Variants in DENND10 observed in about 807,000 individuals in gnomAD.
The protein encoded by DENND10 is DENN domain containing 10.
Under a neutral mutation model 43.6 loss-of-function variants are expected in DENND10, and 24 were observed. The ratio of observed to expected loss-of-function variants is 0.55; its 90% CI spans 0.40 to 0.77. The LOEUF (loss-of-function observed/expected upper bound fraction) is 0.77, where lower values mean the gene tolerates loss of function less well. Among genes scored for constraint, DENND10 ranks in the 30% least tolerant of loss-of-function variants. The pLI, the probability that DENND10 is intolerant of heterozygous loss-of-function variation, is 0.00. For synonymous variants in DENND10, 125 were observed against 157.6 expected (o/e 0.79, Z 1.55); for missense variants, 303 against 429.9 (o/e 0.70, Z 2.61).
At chr10:119,118,508 C>T (rs1057360563) in intron 4 of DENND10, among the ~76,000 whole-genome samples, 2 of 152,170 alleles carry the variant, frequency 1.3e-5, no homozygotes, top group Non-Finnish European at 2.9e-5. Flanking sequence ...ACTCTGAAGG[C>T]GAGGCTGCCC....
intron 5 of DENND10, among the ~76,000 whole-genome samples, chr10:119,122,021 T>C (rs952044751): frequency 2.0e-5 from 3 of 151,980 alleles, no homozygotes; most frequent in African/African-American, 7.2e-5. Flanking sequence ...TAAAAGATAA[T>C]GTTGGCCGGG....
At chr10:119,107,334 A>G (rs1844743132) in intron 1 of DENND10, among the ~76,000 whole-genome samples, 1 of 151,706 alleles carries the variant, frequency 6.6e-6, no homozygotes, top group South Asian at 2.1e-4. Flanking sequence ...CTAGTTAAAA[A>G]CTTAATGTAA....
At position 119,132,878 on chromosome 10, in the gene DENND10, G is replaced by A. The variant is rs73446341; in HGVS notation, c.897+269G>A. The A allele has an allele frequency of 6.1e-3, 2,599 of 425,476 alleles. 60 individuals are homozygous for A. The highest frequency in any genetic ancestry group is 0.044 in the African/African-American group (2,214 of 50,258). 26.4% of individuals were successfully genotyped at this position (425,476 alleles called of 1,614,324 possible). A position where few individuals can be genotyped will look rare whatever the true frequency, so the allele number is the denominator to read the frequency against. On this transcript the variant is annotated intron_variant, in intron 8 of 8. Transcript: ENST00000361432. This position sits in a 1 kb window ranked among gnomAD's most constrained non-coding sequence, Gnocchi z 4.2. ...CAATGAGAAATGTAACTACCAAGTG[G>A]TCTGGAAGGCTTTTCTGGGCCAGCC...
rs375190127 is a variant in DENND10, at chr10:119,132,535, C to G, written c.823C>G (p.Leu275Val). The G allele has an allele frequency of 3.7e-6, 6 of 1,613,954 alleles. No homozygotes were observed. The highest frequency in any genetic ancestry group is 5.1e-6 in the Non-Finnish European group (6 of 1,179,942). The change falls in exon 8 of 9, where the codon CTG becomes GTG. Residue 275 changes from leucine to valine, a missense_variant. Transcript: ENST00000361432. This position sits in a 1 kb window ranked among gnomAD's most constrained non-coding sequence, Gnocchi z 4.2. ...ACCAGAGGCCATGGCAATGGGCAAA[C>G]TGCACAAAGAAATGGGTCAGCTAAT... is the stretch of plus-strand genomic sequence containing the variant. ...LAKEAMAMGK[L>V]HKEMGQLIVQ...
chr10:119,130,529 C>G (rs950870340), intron 7 of DENND10, among the ~76,000 whole-genome samples: 1 of 152,162 alleles, frequency 6.6e-6, no homozygotes, highest in Admixed American at 6.6e-5. Flanking sequence ...AATTCCTAGC[C>G]TCAAGTGATC....
chr10:119,122,344 T>C (rs993573639), intron 5 of DENND10, among the ~76,000 whole-genome samples: 1 of 152,192 alleles, frequency 6.6e-6, no homozygotes, highest in African/African-American at 2.4e-5. Flanking sequence ...TTTCTGAGCC[T>C]GTGTTCCTTT....
At chr10:119,123,612 T>G in intron 6 of DENND10, 43 bp downstream of exon 6, 1 of 1,452,976 alleles carries the variant, frequency 6.9e-7, no homozygotes, top group South Asian at 1.2e-5. Flanking sequence ...TCACTTTTTT[T>G]TTTTTTTTTT....
chr10:119,135,791 T>TAAAAAAAAAAAAAAA (rs367836571), intron 8 of DENND10, among the ~76,000 whole-genome samples: 686 of 63,932 alleles, frequency 0.011, 33 homozygotes, highest in Non-Finnish European at 0.014. Context: ...ACTAAAATTG[T>TAAAAAAAAAAAAAAA]AAAAAAAAAA....
chr10:119,115,011 C>G (rs1360066874), intron 3 of DENND10, among the ~76,000 whole-genome samples: 1 of 152,120 alleles, frequency 6.6e-6, no homozygotes, highest in Non-Finnish European at 1.5e-5. Flanking sequence ...CTAAAGTGAG[C>G]CTCTTGCCTC....
At chr10:119,113,098 G>A (rs4752249) in intron 3 of DENND10, among the ~76,000 whole-genome samples, 84,021 of 150,370 alleles carry the variant, frequency 0.56, 23,856 homozygotes, top group South Asian at 0.68. Flanking sequence ...TGATCCGCCC[G>A]CCTTGGCCTC....
chr10:119,133,306 C>G (rs10787920), intron 8 of DENND10: 76,530 of 152,122 alleles, frequency 0.5, 20,242 homozygotes, highest in Middle Eastern at 0.64. Context: ...ATGCCTGACT[C>G]ATAACCTGGG....
intron 7 of DENND10, among the ~76,000 whole-genome samples, chr10:119,131,424 C>G (rs2133530885): frequency 1.3e-5 from 2 of 152,266 alleles, no homozygotes; most frequent in South Asian, 4.1e-4. Flanking sequence ...CGCCACTGCA[C>G]TCCAGCCTGG....
At chr10:119,105,587 TA>T in intron 1 of DENND10, 1 of 934,906 alleles carries the variant, frequency 1.1e-6, no homozygotes, top group Non-Finnish European at 1.3e-6. Context: ...ACTTTTGAAC[TA>T]AGGCTAAGTT....
intron 5 of DENND10, among the ~76,000 whole-genome samples, chr10:119,122,017 A>G (rs1047039558): frequency 6.6e-6 from 1 of 152,018 alleles, no homozygotes; most frequent in African/African-American, 2.4e-5. Flanking sequence ...CACATAAAAG[A>G]TAATGTTGGC....
intron 3 of DENND10, among the ~76,000 whole-genome samples, chr10:119,116,996 A>G (rs1240711978): frequency 6.6e-6 from 1 of 152,050 alleles, no homozygotes; most frequent in Non-Finnish European, 1.5e-5. Flanking sequence ...TCTTTGAAAT[A>G]TATTTTTAAT....
At position 119,132,676 on chromosome 10, in the gene DENND10, G is replaced by A. The variant is rs1846138160; in HGVS notation, c.897+67G>A. On this transcript the variant is annotated intron_variant, in intron 8 of 8. Coordinates refer to ENST00000361432, the MANE Select transcript of DENND10 (RefSeq NM_207009.4). This position sits in a 1 kb window ranked among gnomAD's most constrained non-coding sequence, Gnocchi z 4.2. ...GTGTCGCTGGGTGGTGTGCGGCAGA[G>A]CTGTGCACATAAGCAGAGTGGGGGG... 4.6e-6 allele frequency: 6 copies of A among 1,313,474 alleles called. No individual in the cohort carries two copies. The highest frequency in any genetic ancestry group is 5.5e-6 in the Non-Finnish European group (5 of 906,026). 81.4% of individuals were successfully genotyped at this position (1,313,474 alleles called of 1,614,324 possible). A position where few individuals can be genotyped will look rare whatever the true frequency, so the allele number is the denominator to read the frequency against.
At chr10:119,127,374 ATTAC>A (rs1226061028) in intron 6 of DENND10, among the ~76,000 whole-genome samples, 3 of 152,046 alleles carry the variant, frequency 2.0e-5, no homozygotes, top group African/African-American at 7.2e-5. Context: ...AATGAGTAAT[ATTAC>A]TTGTCATCTG....
chr10:119,130,265 A>G (rs1315753113), intron 7 of DENND10, among the ~76,000 whole-genome samples: 1 of 151,896 alleles, frequency 6.6e-6, no homozygotes, highest in Non-Finnish European at 1.5e-5. Context: ...GGTTCAAGTG[A>G]TTCTCCTGCC....
chr10:119,131,254 C>T (rs971106758), intron 7 of DENND10, among the ~76,000 whole-genome samples: 5 of 152,116 alleles, frequency 3.3e-5, no homozygotes, highest in Admixed American at 6.6e-5. Flanking sequence ...GTCAGGAGAT[C>T]GGGACCAGCC....
Sources: gnomAD v4.1 joint callset for allele counts (sites outside exome capture counted in the v4.1 genomes callset) on GRCh38, gnomAD v4.1.1 for gene constraint, Gnocchi (gnomAD v3.1) non-coding constraint, MANE v1.5 for transcripts, NCBI Gene and HGNC (gene_info 2026-07-23, HGNC 2026-07-21) for gene names.